Variants in ZNF420 observed in about 807,000 individuals in gnomAD.
ZNF420 encodes the protein ATM and p53-associated KZNF protein.
Under a neutral mutation model 44.7 loss-of-function variants are expected in ZNF420, and 31 were observed. The ratio of observed to expected loss-of-function variants is 0.69; its 90% CI spans 0.52 to 0.94. The LOEUF (loss-of-function observed/expected upper bound fraction) is 0.94. ZNF420 is among the 40% of genes least tolerant of loss of function. The pLI is 0.00. For missense variants in ZNF420, 681 were observed against 827.9 expected (o/e 0.82, Z 2.18); for synonymous variants, 245 against 267.4 (o/e 0.92, Z 0.82).
intron 1 of ZNF420, among the ~76,000 whole-genome samples, chr19:37,039,726 G>A (rs901770156): frequency 1.3e-4 from 19 of 148,570 alleles, no homozygotes; most frequent in African/African-American, 4.7e-4. Context: ...TGTGAGATAC[G>A]GTCTCACTCT....
chr19:37,066,914 T>C (rs1031804145), intron 1 of ZNF420, among the ~76,000 whole-genome samples: 1 of 152,122 alleles, frequency 6.6e-6, no homozygotes, highest in Non-Finnish European at 1.5e-5. Flanking sequence ...AGAATATGAA[T>C]AAACTGTGAT....
intron 2 of ZNF420, among the ~76,000 whole-genome samples, chr19:37,085,029 C>T (rs923985276): frequency 6.6e-5 from 10 of 152,058 alleles, no homozygotes; most frequent in African/African-American, 2.2e-4. Flanking sequence ...CTTTCAGCTT[C>T]ACTTGCTCTT....
At chr19:37,086,145 T>C (rs1968764492) in intron 2 of ZNF420, among the ~76,000 whole-genome samples, 1 of 151,948 alleles carries the variant, frequency 6.6e-6, no homozygotes, top group Admixed American at 6.6e-5. Flanking sequence ...TTCCCTTGTC[T>C]TCTTGTCCCC....
chr19:37,008,280 T>TTC lies in ZNF420; in HGVS notation c.-125+211_-125+212dup, dbSNP rs534361132. On this transcript the variant is annotated intron_variant, in intron 1 of 4. Transcript: ENST00000587029. Reference sequence around the variant, plus strand: ...TGTAGTGTGTGTGTGTCTCACTTTCTTCTCTCTCTCTCTCCCTCTGTTTCT... The same window carrying TTC: ...TGTAGTGTGTGTGTGTCTCACTTTCTTCTCTCTCTCTCTCTCCCTCTGTTTCT... 1.4e-3 allele frequency among the ~76,000 whole-genome samples: 214 copies of TTC among 151,906 alleles called. 5 individuals carry two copies. In the South Asian group the frequency reaches 0.034, roughly 24 times the overall value.
intron 1 of ZNF420, among the ~76,000 whole-genome samples, chr19:37,016,237 C>T (rs1328931198): frequency 1.3e-5 from 2 of 152,202 alleles, no homozygotes; most frequent in Non-Finnish European, 2.9e-5. Flanking sequence ...CACATCCTTT[C>T]TTATTGTTGA....
intron 1 of ZNF420, among the ~76,000 whole-genome samples, chr19:37,062,945 C>T (rs570151390): frequency 6.6e-6 from 1 of 152,338 alleles, no homozygotes; most frequent in South Asian, 2.1e-4. Flanking sequence ...CCAAGAATAA[C>T]TACACTGTTT....
chr19:37,013,740 A>G (rs563845776), intron 1 of ZNF420, among the ~76,000 whole-genome samples: 2 of 152,286 alleles, frequency 1.3e-5, no homozygotes, highest in Admixed American at 1.3e-4. Context: ...TCATCAGCCC[A>G]CTGCCTCCCT....
intron 4 of ZNF420, among the ~76,000 whole-genome samples, chr19:37,100,343 G>C (rs1969698509): frequency 6.6e-6 from 1 of 151,976 alleles, no homozygotes; most frequent in Admixed American, 6.6e-5. Context: ...ATACCATACT[G>C]TTTGGTTACT....
chr19:37,095,263 A>G (rs1969377858), intron 4 of ZNF420, among the ~76,000 whole-genome samples: 1 of 152,054 alleles, frequency 6.6e-6, no homozygotes, highest in African/African-American at 2.4e-5. Flanking sequence ...AATTATCATT[A>G]TTGTTTGTGT....
intron 1 of ZNF420, among the ~76,000 whole-genome samples, chr19:37,059,575 T>G (rs1172607206): frequency 6.6e-6 from 1 of 152,030 alleles, no homozygotes; most frequent in Non-Finnish European, 1.5e-5. Context: ...AGGCGGAGTC[T>G]GGGGGAAGCG....
chr19:37,077,559 A>G (rs1006672183), upstream of ZNF420, among the ~76,000 whole-genome samples: 1 of 152,184 alleles, frequency 6.6e-6, no homozygotes, highest in African/African-American at 2.4e-5. Context: ...TGATGTCTAA[A>G]TTACTTGTCA....
chr19:37,114,608 C>T (rs1199850842), intron 4 of ZNF420, among the ~76,000 whole-genome samples: 1 of 152,142 alleles, frequency 6.6e-6, no homozygotes, highest in Non-Finnish European at 1.5e-5. Context: ...TATATCACTT[C>T]CTGTAATTGA....
rs747580016 is a variant in ZNF420 at position 37,129,009 on chromosome 19, A to G, written c.2018A>G (p.Tyr673Cys). The change falls in exon 5 of 5, where the codon TAT becomes TGT. Residue 673 changes from tyrosine (Y) to cysteine (C), a missense_variant. Physicochemically the swap from Tyr to Cys is radical, Grantham distance 194. This residue lies in a region of ZNF420 where 280 missense variants were observed against 338.6 expected (regional missense o/e 0.83). Coordinates refer to ENST00000337995, the MANE Select transcript of ZNF420 (RefSeq NM_144689.5). ...CATATCAGTGAGAAATCTTTTGAATATAAGGAATGTGGGATTGACTTTAGT... is the reference window on the plus strand; with the variant it reads ...CATATCAGTGAGAAATCTTTTGAATGTAAGGAATGTGGGATTGACTTTAGT... The part of the protein sequence containing the change: ...RIHISEKSFE[Y>C]KECGIDFSHG... 8.7e-6 allele frequency: 14 copies of G among 1,613,700 alleles called. No individual in the cohort carries two copies. Among genetic ancestry groups the G allele is most frequent in the Middle Eastern group, 1.6e-4 (1 of 6,084 alleles).
At chr19:37,043,222 C>A (rs1967489553) in intron 1 of ZNF420, among the ~76,000 whole-genome samples, 1 of 152,194 alleles carries the variant, frequency 6.6e-6, no homozygotes, top group Non-Finnish European at 1.5e-5. Flanking sequence ...GATAGACGCT[C>A]CACACATGGT....
intron 4 of ZNF420, among the ~76,000 whole-genome samples, chr19:37,107,880 G>C (rs556152038): frequency 2.0e-5 from 3 of 152,002 alleles, no homozygotes; most frequent in East Asian, 3.9e-4. Context: ...CTTTTAATTT[G>C]GAAATGTCTA....
At chr19:37,060,579 G>A (rs1284672267) in intron 1 of ZNF420, among the ~76,000 whole-genome samples, 20 of 151,058 alleles carry the variant, frequency 1.3e-4, no homozygotes, top group Non-Finnish European at 5.9e-5. Flanking sequence ...GGAGATCCAT[G>A]TTCTGATTGT....
At position 37,129,817 on chromosome 19, in the gene ZNF420, G is replaced by A. The variant is rs1168607035; in HGVS notation, c.*759G>A. The A allele has an allele frequency of 2.0e-6, 1 of 495,198 alleles. No homozygotes were observed. The highest frequency in any genetic ancestry group is 3.3e-6 in the Non-Finnish European group (1 of 300,426). 30.7% of individuals were successfully genotyped at this position (495,198 alleles called of 1,614,324 possible). A position where few individuals can be genotyped will look rare whatever the true frequency, so the allele number is the denominator to read the frequency against. ...ACAGCTGTTAGAGAAGTGGGACAAGGTGTGAAGTGATTTTTAACGAAGTCT... is the reference window on the plus strand; with the variant it reads ...ACAGCTGTTAGAGAAGTGGGACAAGATGTGAAGTGATTTTTAACGAAGTCT... On this transcript the variant is annotated 3_prime_UTR_variant, in exon 5 of 5. Coordinates refer to ENST00000337995, the MANE Select transcript of ZNF420 (RefSeq NM_144689.5).
intron 1 of ZNF420, among the ~76,000 whole-genome samples, chr19:37,009,920 G>A (rs1249312799): frequency 6.6e-6 from 1 of 152,088 alleles, no homozygotes; most frequent in Non-Finnish European, 1.5e-5. Flanking sequence ...GCCCTAGGGC[G>A]CCCGCAGCCC....
chr19:37,014,808 G>A (rs2074597911), intron 1 of ZNF420, among the ~76,000 whole-genome samples: 1 of 152,196 alleles, frequency 6.6e-6, no homozygotes, highest in Non-Finnish European at 1.5e-5. Context: ...GTAGAGTTGG[G>A]CTGATGTCTC....
Sources: allele counts gnomAD v4.1 joint callset (sites outside exome capture counted in the v4.1 genomes callset), GRCh38; gene constraint gnomAD v4.1.1; regional missense constraint gnomAD v4.1.1; transcripts MANE v1.5; gene names NCBI Gene and HGNC (gene_info 2026-07-23, HGNC 2026-07-21).